The following MARCHF1 variants were observed in gnomAD, a reference collection of about 807,000 sequenced individuals.
MARCHF1 encodes membrane associated ring-CH-type finger 1.
Under a neutral mutation model 54.2 loss-of-function variants are expected in MARCHF1, and 40 were observed. That is an observed-to-expected ratio of 0.74 (90% confidence interval 0.57 to 0.96). The LOEUF (loss-of-function observed/expected upper bound fraction) is 0.96, where lower values mean the gene tolerates loss of function less well. MARCHF1 is among the 40% of genes least tolerant of loss of function. MARCHF1 has a pLI of 0.00. For missense variants in MARCHF1, 586 were observed against 656.5 expected (o/e 0.89, Z 1.17); for synonymous variants, 236 against 236.3 (o/e 1.00, Z 0.01).
intron 9 of MARCHF1, among the ~76,000 whole-genome samples, chr4:163,536,925 G>C (rs1489508738): frequency 6.6e-6 from 1 of 152,122 alleles, no homozygotes; most frequent in East Asian, 1.9e-4. Flanking sequence ...AGTTTAGAGT[G>C]CAGAGCACCC....
chr4:164,076,560 A>G (rs1425240300), intron 2 of MARCHF1, among the ~76,000 whole-genome samples: 5 of 152,188 alleles, frequency 3.3e-5, no homozygotes, highest in African/African-American at 1.2e-4. Flanking sequence ...CAAGAAAAAT[A>G]AATAAAGGGC....
chr4:163,542,981 G>A (rs1738769408), intron 9 of MARCHF1, among the ~76,000 whole-genome samples: 1 of 152,096 alleles, frequency 6.6e-6, no homozygotes, highest in African/African-American at 2.4e-5. Context: ...AAGCTGGAAG[G>A]AAATGTTTTA....
intron 4 of MARCHF1, among the ~76,000 whole-genome samples, chr4:163,743,469 A>G (rs949656127): frequency 6.6e-6 from 1 of 152,182 alleles, no homozygotes; most frequent in Admixed American, 6.5e-5. Flanking sequence ...GTACCTGATT[A>G]TGGTAAAGTT....
intron 1 of MARCHF1, among the ~76,000 whole-genome samples, chr4:164,119,638 C>G (rs1002389118): frequency 1.3e-5 from 2 of 150,610 alleles, no homozygotes; most frequent in Admixed American, 6.6e-5. Flanking sequence ...ATGACACCAA[C>G]TGAGAATTAA....
Position 164,176,137 on chromosome 4 carries a change from G to A in MARCHF1, c.-322-64475C>T, listed in dbSNP as rs58838435. On this transcript the variant is annotated intron_variant, in intron 1 of 9. Transcript: ENST00000514618. ...CTTTGAATATCAAAAGGTATTATTA[G>A]TATGGCCTGAAAATCCCTCATAACA... 3.3e-3 allele frequency among the ~76,000 whole-genome samples: 503 copies of A among 152,252 alleles called. 2 individuals carry two copies. The highest frequency in any genetic ancestry group is 0.011 in the African/African-American group (473 of 41,550).
chr4:164,301,163 G>A (rs1734550957), intron 1 of MARCHF1, among the ~76,000 whole-genome samples: 1 of 152,082 alleles, frequency 6.6e-6, no homozygotes, highest in Non-Finnish European at 1.5e-5. Context: ...TCACAGAGGA[G>A]TAATAGCTAC....
At chr4:163,940,829 G>A (rs934354772) in intron 3 of MARCHF1, among the ~76,000 whole-genome samples, 16 of 152,142 alleles carry the variant, frequency 1.1e-4, no homozygotes, top group African/African-American at 3.9e-4. Flanking sequence ...AGTGATAAGA[G>A]TTCCTACTTC....
chr4:163,623,760 C>CT (rs1243943548), intron 5 of MARCHF1, among the ~76,000 whole-genome samples: 2 of 152,162 alleles, frequency 1.3e-5, no homozygotes, highest in African/African-American at 4.8e-5. Flanking sequence ...CTTAAATTAA[C>CT]TTTTTTTCTG....
chr4:163,785,109 A>G (rs748019045), intron 4 of MARCHF1, among the ~76,000 whole-genome samples: 2 of 152,148 alleles, frequency 1.3e-5, no homozygotes, highest in Admixed American at 6.6e-5. Flanking sequence ...CTTAAATAAT[A>G]TACACTAAAA....
At chr4:164,210,468 G>T (rs1254697422) in intron 1 of MARCHF1, among the ~76,000 whole-genome samples, 1 of 152,114 alleles carries the variant, frequency 6.6e-6, no homozygotes, top group Non-Finnish European at 1.5e-5. Flanking sequence ...TCAGTTTGAG[G>T]CATATTGAAT....
intron 4 of MARCHF1, among the ~76,000 whole-genome samples, chr4:163,775,054 C>G (rs1747265591): frequency 6.6e-6 from 1 of 152,170 alleles, no homozygotes; most frequent in Non-Finnish European, 1.5e-5. Context: ...ATCACTCTTT[C>G]ATTCAAGGTA....
intron 3 of MARCHF1, among the ~76,000 whole-genome samples, chr4:163,980,348 C>T (rs1466444209): frequency 1.5e-5 from 2 of 137,586 alleles, no homozygotes; most frequent in Non-Finnish European, 3.1e-5. Flanking sequence ...CTTCCTTACA[C>T]CTTATACAAA....
At chr4:164,094,495 C>A (rs1414036983) in intron 2 of MARCHF1, among the ~76,000 whole-genome samples, 2 of 152,122 alleles carry the variant, frequency 1.3e-5, no homozygotes, top group Non-Finnish European at 2.9e-5. Context: ...TGGCCATGGA[C>A]CTGCCTCCAT....
At chr4:163,559,326 G>T (rs190347036) in intron 8 of MARCHF1, among the ~76,000 whole-genome samples, 1 of 152,254 alleles carries the variant, frequency 6.6e-6, no homozygotes, top group East Asian at 1.9e-4. Flanking sequence ...TGCAACTTTA[G>T]TTTTTGTATA....
At chr4:164,071,955 A>T (rs1046568839) in intron 2 of MARCHF1, among the ~76,000 whole-genome samples, 3 of 152,218 alleles carry the variant, frequency 2.0e-5, no homozygotes, top group Non-Finnish European at 2.9e-5. Flanking sequence ...GCAGCAAAAA[A>T]GTAGAATTCA....
intron 1 of MARCHF1, among the ~76,000 whole-genome samples, chr4:164,294,750 T>C (rs2111376815): frequency 6.6e-6 from 1 of 152,306 alleles, no homozygotes; most frequent in Non-Finnish European, 1.5e-5. Context: ...AAATAAAATA[T>C]TGCAATGCTT....
At chr4:163,661,781 T>C (rs1743350919) in intron 5 of MARCHF1, among the ~76,000 whole-genome samples, 1 of 152,058 alleles carries the variant, frequency 6.6e-6, no homozygotes, top group Non-Finnish European at 1.5e-5. Flanking sequence ...TTCCTCTCCC[T>C]TTTCCCCTTG....
intron 7 of MARCHF1, among the ~76,000 whole-genome samples, chr4:163,602,506 A>G (rs540842016): frequency 6.6e-6 from 1 of 152,254 alleles, no homozygotes; most frequent in Admixed American, 6.5e-5. Context: ...TATGTTGAGT[A>G]GTCCCAAGTA....
At chr4:163,759,663 G>C (rs1213232427) in intron 4 of MARCHF1, among the ~76,000 whole-genome samples, 1 of 152,114 alleles carries the variant, frequency 6.6e-6, no homozygotes, top group African/African-American at 2.4e-5. Flanking sequence ...TGCAGTGGGG[G>C]ACATGGAGAT....
Sources: allele counts gnomAD v4.1 joint callset (sites outside exome capture counted in the v4.1 genomes callset), GRCh38; gene constraint gnomAD v4.1.1; transcripts MANE v1.5; gene names NCBI Gene and HGNC (gene_info 2026-07-23, HGNC 2026-07-21).